The following PARP6 variants were observed in gnomAD, a reference collection of about 807,000 sequenced individuals.
PARP6 encodes poly(ADP-ribose) polymerase family member 6.
Under a neutral mutation model 92.0 loss-of-function variants are expected in PARP6, and 27 were observed. The ratio of observed to expected loss-of-function variants is 0.29; its 90% CI spans 0.22 to 0.40. PARP6 has a LOEUF of 0.40. Among genes scored for constraint, PARP6 ranks in the 10% least tolerant of loss-of-function variants. The pLI, the probability that PARP6 is intolerant of heterozygous loss-of-function variation, is 1.00. For missense variants in PARP6, 501 were observed against 784.5 expected, an observed-to-expected ratio of 0.64 and a Z score of 4.32; for synonymous variants, 272 against 281.2, an observed-to-expected ratio of 0.97 and a Z score of 0.33.
chr15:72,255,072 ACTC>A (rs1401731204), intron 14 of PARP6, among the ~76,000 whole-genome samples: 7 of 151,210 alleles, frequency 4.6e-5, no homozygotes, highest in African/African-American at 1.7e-4. Context: ...AAAAAGGCTG[ACTC>A]CTCTGCCCCA....
intron 20 of PARP6, among the ~76,000 whole-genome samples, chr15:72,246,759 TTA>T (rs1257814312): frequency 2.5e-5 from 2 of 80,444 alleles, no homozygotes; most frequent in Non-Finnish European, 7.0e-5. Flanking sequence ...ATATTTATTA[TTA>T]TTTTTTTTTT....
chr15:72,251,484 G>A (rs771730845), intron 16 of PARP6: 195 of 338,682 alleles, frequency 5.8e-4, no homozygotes, highest in Non-Finnish European at 8.4e-4. Flanking sequence ...TAATTATTGG[G>A]GAGTTAAACA....
At position 72,253,493 on chromosome 15, in the gene PARP6, C is replaced by T. The variant is rs781733288; in HGVS notation, c.1203G>A (p.Leu401=). The T allele has an allele frequency of 1.2e-6, 2 of 1,613,650 alleles. No individual in the cohort carries two copies. Among genetic ancestry groups the T allele is most frequent in the African/African-American group, 1.3e-5 (1 of 74,998 alleles). Residue 401 remains leucine, a synonymous_variant, in exon 16 of 24, where the codon TTG becomes TTA. Transcript: ENST00000569795. ...ACTTGTCCATCTGTTTCTTGATTTC[C>T]AAATATGAGCCCTGTAAGACAATGG... is the stretch of plus-strand genomic sequence containing the variant. The part of the protein sequence containing the change: ...SIREMTQGSY[L]EIKKQMDKLD...
chr15:72,255,479 C>A (rs1195345199), intron 14 of PARP6, among the ~76,000 whole-genome samples: 12 of 152,138 alleles, frequency 7.9e-5, no homozygotes, highest in Non-Finnish European at 2.9e-5. Flanking sequence ...GTCTTTAACT[C>A]CTCACTCCAG....
chr15:72,265,498 G>T, intron 5 of PARP6, 25 bp from the exon 6 acceptor site: 1 of 1,566,114 alleles, frequency 6.4e-7, no homozygotes, highest in Non-Finnish European at 8.8e-7. Context: ...GTGACAACAG[G>T]TGAGACTCAT....
chr15:72,254,664 A>G, intron 14 of PARP6, 144 bp from the exon 15 acceptor site: 1 of 637,308 alleles, frequency 1.6e-6, no homozygotes, highest in Non-Finnish European at 2.8e-6. Context: ...AATGTCAGAC[A>G]GTTCTAGGGG....
chr15:72,260,924 C>G (rs1160045854), intron 9 of PARP6, among the ~76,000 whole-genome samples: 1 of 152,010 alleles, frequency 6.6e-6, no homozygotes, highest in Non-Finnish European at 1.5e-5. Context: ...TGAGGGTGGG[C>G]AGAGGCAGAG....
At chr15:72,255,177 T>TA (rs890330239) in intron 14 of PARP6, among the ~76,000 whole-genome samples, 61 of 150,012 alleles carry the variant, frequency 4.1e-4, no homozygotes, top group Admixed American at 6.0e-4. Flanking sequence ...GGATTTGAAC[T>TA]AAAAAAAAAA....
At chr15:72,254,580 G>A in intron 14 of PARP6, 60 bp from the exon 15 acceptor site, 1 of 1,337,390 alleles carries the variant, frequency 7.5e-7, no homozygotes. Flanking sequence ...AAAGTAAGAT[G>A]TGATGAAAAG....
chr15:72,267,345 C>CT (rs1318614975), intron 3 of PARP6, 130 bp downstream of exon 3: 4 of 1,004,766 alleles, frequency 4.0e-6, no homozygotes, highest in Middle Eastern at 2.1e-4. Flanking sequence ...CTTCCCTTTC[C>CT]TTTAACTTCA....
intron 17 of PARP6, 114 bp downstream of exon 17, chr15:72,251,093 T>C (rs893151463): frequency 2.0e-6 from 2 of 997,106 alleles, no homozygotes; most frequent in East Asian, 2.4e-5. Context: ...AAAGACTAAG[T>C]TGATGGACAG....
At chr15:72,254,818 G>C (rs1319436332) in intron 14 of PARP6, among the ~76,000 whole-genome samples, 2 of 152,116 alleles carry the variant, frequency 1.3e-5, no homozygotes, top group Non-Finnish European at 2.9e-5. Flanking sequence ...CATATATAAA[G>C]AACTCTGTAT....
rs1476319121 is a variant in PARP6, at chr15:72,254,531, T to C, written c.1126-11A>G. ...CTCATAATTCTTCTTCTGTGGAGAATCAATGGGAAGAGAAGAACCAAATAA... is the reference window on the plus strand; with the variant it reads ...CTCATAATTCTTCTTCTGTGGAGAACCAATGGGAAGAGAAGAACCAAATAA... On this transcript the variant is annotated splice_polypyrimidine_tract_variant and intron_variant, in intron 14 of 23. Coordinates refer to ENST00000569795, the MANE Select transcript of PARP6 (RefSeq NM_001323532.2). 2 of 1,605,926 alleles carry C rather than the reference T, an allele frequency of 1.2e-6. No homozygotes were observed. Among genetic ancestry groups the C allele is most frequent in the East Asian group, 4.5e-5 (2 of 44,850 alleles).
chr15:72,264,745 G>T (rs142575794), intron 7 of PARP6, 124 bp from the exon 8 acceptor site: 1 of 716,660 alleles, frequency 1.4e-6, no homozygotes, highest in East Asian at 2.7e-5. Context: ...AAACAGTAAC[G>T]GTGGAAGAAA....
chr15:72,255,347 G>A (rs1003598916), intron 14 of PARP6, among the ~76,000 whole-genome samples: 5 of 151,970 alleles, frequency 3.3e-5, no homozygotes, highest in Non-Finnish European at 5.9e-5. Context: ...CTGCCTCCTG[G>A]GTTCAAGCGA....
intron 3 of PARP6, 57 bp from the exon 4 acceptor site, chr15:72,266,879 A>G: frequency 7.7e-7 from 1 of 1,292,626 alleles, no homozygotes; most frequent in South Asian, 1.2e-5. Context: ...TCCCATGGAA[A>G]GGCGTGGGAT....
chr15:72,250,945 T>C lies in PARP6; in HGVS notation c.1318A>G (p.Met440Val). The change falls in exon 18 of 24, where the codon ATG (methionine) becomes GTG (valine). Residue 440 changes from methionine to valine, a missense_variant. Around this residue, in one of 4 missense-constraint regions of PARP6, gnomAD observed 191 missense variants for 399.1 expected, o/e 0.48. Coordinates refer to ENST00000569795, the MANE Select transcript of PARP6 (RefSeq NM_001323532.2). ...AGGAGGAACTGGTGTGAGGTGTGCA[T>C]GAACTTCAGCTGCTGCCCAGGGTGG... ...VKLPLSRLKF[M>V]HTSHQFLLLS... The C allele has an allele frequency of 6.2e-7, 1 of 1,612,098 alleles. No homozygotes were observed. Among genetic ancestry groups the C allele is most frequent in the Non-Finnish European group, 8.5e-7 (1 of 1,178,822 alleles).
At chr15:72,263,151 C>T (rs988110202) in intron 8 of PARP6, among the ~76,000 whole-genome samples, 4 of 152,176 alleles carry the variant, frequency 2.6e-5, no homozygotes, top group African/African-American at 9.7e-5. Flanking sequence ...CCTCTCATAT[C>T]CCTATTTACA....
rs766887928 is a variant in PARP6, at chr15:72,254,469, G to A, written c.1177C>T (p.Arg393Trp). The change falls in exon 15 of 24, where the codon CGG becomes TGG. Residue 393 changes from arginine (R) to tryptophan (W), a missense_variant. Arg to Trp is a moderately radical substitution (Grantham distance 101, BLOSUM62 -3). Around this residue, in one of 4 missense-constraint regions of PARP6, gnomAD observed 191 missense variants for 399.1 expected, o/e 0.48. Coordinates refer to ENST00000569795, the MANE Select transcript of PARP6 (RefSeq NM_001323532.2). ...AGGCAGAATACCTGGGTCATCTCCC[G>A]AATAGACATCACACTATCCAGAGCT... ...QKALDSVMSIREMTQGSYLEI... is the reference protein window; with the variant it reads ...QKALDSVMSIWEMTQGSYLEI... 11 of 1,612,422 alleles carry A rather than the reference G, an allele frequency of 6.8e-6. No individual in the cohort carries two copies. The highest frequency in any genetic ancestry group is 7.6e-6 in the Non-Finnish European group (9 of 1,178,584).
Sources: gnomAD v4.1 joint callset for allele counts (sites outside exome capture counted in the v4.1 genomes callset) on GRCh38, gnomAD v4.1.1 for gene constraint, gnomAD v4.1.1 regional missense constraint, MANE v1.5 for transcripts, NCBI Gene and HGNC (gene_info 2026-07-23, HGNC 2026-07-21) for gene names.